Variants in LRP1B observed in about 807,000 individuals in gnomAD.
The protein encoded by LRP1B is LDL receptor related protein 1B, also known as low-density lipoprotein receptor-related protein 1B.
LRP1B carries 217 observed loss-of-function variants against 556.6 expected under a neutral mutation model. The ratio of observed to expected loss-of-function variants is 0.39; its 90% CI spans 0.35 to 0.44. The LOEUF is 0.44. Among genes scored for constraint, LRP1B ranks in the 20% least tolerant of loss-of-function variants. The probability of loss-of-function intolerance (pLI) is 1.00; values close to 1 mark genes in which losing one functional copy is unlikely to be tolerated. For missense variants in LRP1B, 5,053 were observed against 5,620.8 expected, an observed-to-expected ratio of 0.90 and a Z score of 3.23; for synonymous variants, 2,047 against 1,865.8, an observed-to-expected ratio of 1.10 and a Z score of -2.50.
At chr2:141,650,723 T>C (rs1689753806) in intron 2 of LRP1B, among the ~76,000 whole-genome samples, 1 of 152,146 alleles carries the variant, frequency 6.6e-6, no homozygotes, top group Admixed American at 6.6e-5. Flanking sequence ...CACACCGAAA[T>C]GAAGAAAAAC....
chr2:141,560,239 T>A (rs549736223), intron 2 of LRP1B, among the ~76,000 whole-genome samples: 7 of 151,906 alleles, frequency 4.6e-5, no homozygotes, highest in Middle Eastern at 6.8e-3. Flanking sequence ...AGTGCACTTA[T>A]GTCAAAGGAA....
chr2:141,716,286 G>A (rs1692582702), intron 2 of LRP1B, among the ~76,000 whole-genome samples: 1 of 152,202 alleles, frequency 6.6e-6, no homozygotes, highest in Non-Finnish European at 1.5e-5. Context: ...AGCCACAGCA[G>A]CAAAATTGTA....
intron 3 of LRP1B, among the ~76,000 whole-genome samples, chr2:141,425,545 A>C (rs1396093286): frequency 6.7e-6 from 1 of 149,246 alleles, no homozygotes; most frequent in African/African-American, 2.5e-5. Flanking sequence ...AACAGTGTAA[A>C]AGTGTTCCTA....
intron 5 of LRP1B, among the ~76,000 whole-genome samples, chr2:141,231,235 A>G (rs1011147055): frequency 4.6e-5 from 7 of 152,228 alleles, no homozygotes; most frequent in Non-Finnish European, 2.9e-5. Context: ...TTGAAGCAGT[A>G]TTATTTAGTG....
At chr2:140,852,969 C>T (rs762249395) in intron 27 of LRP1B, among the ~76,000 whole-genome samples, 9 of 151,958 alleles carry the variant, frequency 5.9e-5, no homozygotes, top group Non-Finnish European at 1.2e-4. Context: ...CTTGTAGCCC[C>T]ATCAAGAAAA....
At chr2:140,659,301 C>A (rs977141273) in intron 41 of LRP1B, among the ~76,000 whole-genome samples, 5 of 151,542 alleles carry the variant, frequency 3.3e-5, no homozygotes, top group African/African-American at 9.7e-5. Flanking sequence ...TATTTTTCAG[C>A]AATTTAGACA....
intron 7 of LRP1B, among the ~76,000 whole-genome samples, chr2:141,072,659 T>C (rs1171423660): frequency 6.6e-6 from 1 of 151,946 alleles, no homozygotes; most frequent in African/African-American, 2.4e-5. Flanking sequence ...CCATTGACTC[T>C]CTCAACTTTC....
intron 20 of LRP1B, among the ~76,000 whole-genome samples, chr2:140,936,832 A>T (rs184480076): frequency 6.6e-6 from 1 of 152,154 alleles, no homozygotes; most frequent in East Asian, 1.9e-4. Flanking sequence ...TATGTTTCAG[A>T]CATACAATGT....
At chr2:142,046,127 G>A (rs1052333593) in intron 1 of LRP1B, among the ~76,000 whole-genome samples, 3 of 151,934 alleles carry the variant, frequency 2.0e-5, no homozygotes, top group Non-Finnish European at 4.4e-5. Flanking sequence ...AGTTTCTCCT[G>A]TGTCTCCTTG....
At chr2:140,849,772 TCA>T (rs1167608927) in intron 29 of LRP1B, among the ~76,000 whole-genome samples, 2 of 152,194 alleles carry the variant, frequency 1.3e-5, no homozygotes, top group South Asian at 2.1e-4. Context: ...ACTCCTGACC[TCA>T]AGTGATCCAC....
Position 140,751,906 on chromosome 2 carries a change from A to C in LRP1B, c.5758+17307T>G, listed in dbSNP as rs2104896387. 2.0e-5 allele frequency among the ~76,000 whole-genome samples: 3 copies of C among 152,324 alleles called. No individual in the cohort carries two copies. In the South Asian group the frequency reaches 6.2e-4, roughly 32 times the overall value. On this transcript the variant is annotated intron_variant, in intron 35 of 90. Transcript: ENST00000389484. ...TTATTACTAAACACAAGAGAAAAAA[A>C]CGAATACCCATGTAGGATATATATA...
chr2:142,028,513 T>C (rs1490214124), intron 1 of LRP1B, among the ~76,000 whole-genome samples: 1 of 152,022 alleles, frequency 6.6e-6, no homozygotes, highest in Non-Finnish European at 1.5e-5. Flanking sequence ...GACTACTCCT[T>C]TCTTTGCTGA....
At chr2:140,426,043 A>G (rs1187404178) in intron 66 of LRP1B, among the ~76,000 whole-genome samples, 1 of 152,230 alleles carries the variant, frequency 6.6e-6, no homozygotes, top group African/African-American at 2.4e-5. Flanking sequence ...GTAGAATATT[A>G]AAGAAAACAG....
At chr2:141,600,767 T>A (rs937930294) in intron 2 of LRP1B, among the ~76,000 whole-genome samples, 2 of 152,112 alleles carry the variant, frequency 1.3e-5, no homozygotes, top group African/African-American at 4.8e-5. Flanking sequence ...AACACAGAAC[T>A]CTGTCCACCC....
chr2:142,009,246 T>C (rs1381333443), intron 1 of LRP1B, among the ~76,000 whole-genome samples: 1 of 152,246 alleles, frequency 6.6e-6, no homozygotes, highest in Non-Finnish European at 1.5e-5. Flanking sequence ...GGCAGAAACA[T>C]GGAAATAAGA....
At chr2:142,034,162 A>G (rs928301535) in intron 1 of LRP1B, among the ~76,000 whole-genome samples, 1 of 151,600 alleles carries the variant, frequency 6.6e-6, no homozygotes, top group Non-Finnish European at 1.5e-5. Context: ...TTGCCACCTA[A>G]TTGTTGCTTA....
chr2:140,283,351 T>C (rs951376172), intron 84 of LRP1B, among the ~76,000 whole-genome samples: 1 of 151,744 alleles, frequency 6.6e-6, no homozygotes, highest in Non-Finnish European at 1.5e-5. Context: ...TTTAATAAAG[T>C]AGGCAAACAT....
chr2:141,780,910 G>T (rs1179821147), intron 2 of LRP1B, among the ~76,000 whole-genome samples: 1 of 151,964 alleles, frequency 6.6e-6, no homozygotes. Context: ...TAGGTATTTT[G>T]AATTGAGAAG....
intron 69 of LRP1B, 54 bp from the exon 70 acceptor site, chr2:140,371,339 G>T: frequency 1.1e-6 from 1 of 939,380 alleles, no homozygotes; most frequent in Non-Finnish European, 1.6e-6. Context: ...ACAGGTTTTA[G>T]AAATAAAAAC....
Sources: allele counts gnomAD v4.1 joint callset (sites outside exome capture counted in the v4.1 genomes callset), GRCh38; gene constraint gnomAD v4.1.1; transcripts MANE v1.5; gene names NCBI Gene and HGNC (gene_info 2026-07-23, HGNC 2026-07-21).